The following GPC5 variants were observed in gnomAD, a reference collection of about 807,000 sequenced individuals.
GPC5 encodes glypican-5.
Under a neutral mutation model 53.9 loss-of-function variants are expected in GPC5, and 47 were observed. The observed-to-expected ratio is 0.87, with a 90% confidence interval of 0.69 to 1.11. The LOEUF (loss-of-function observed/expected upper bound fraction) is 1.11, where lower values mean the gene tolerates loss of function less well. GPC5 is among the 50% of genes most tolerant of loss of function. The pLI, the probability that GPC5 is intolerant of heterozygous loss-of-function variation, is 0.00. For synonymous variants in GPC5, 286 were observed against 263.3 expected (o/e 1.09, Z -0.84); for missense variants, 748 against 713.1 (o/e 1.05, Z -0.56).
chr13:92,263,479 T>A (rs1429914933), intron 7 of GPC5, among the ~76,000 whole-genome samples: 4 of 152,134 alleles, frequency 2.6e-5, no homozygotes, highest in African/African-American at 9.7e-5. Context: ...CTTGTTTCTA[T>A]TTTTTAAGAA....
chr13:92,843,580 C>T (rs868149559), intron 7 of GPC5, among the ~76,000 whole-genome samples: 1 of 152,128 alleles, frequency 6.6e-6, no homozygotes, highest in Non-Finnish European at 1.5e-5. Context: ...ATAAAAATAG[C>T]TCACACCTGA....
intron 7 of GPC5, among the ~76,000 whole-genome samples, chr13:92,590,537 C>T (rs952009261): frequency 6.6e-6 from 1 of 152,196 alleles, no homozygotes; most frequent in African/African-American, 2.4e-5. Flanking sequence ...GTGGTTTAAT[C>T]TGCTATCAGA....
At chr13:92,204,575 G>A (rs2139065348) in intron 7 of GPC5, among the ~76,000 whole-genome samples, 1 of 152,278 alleles carries the variant, frequency 6.6e-6, no homozygotes. Flanking sequence ...CCAACTGCAA[G>A]TTTTGAGAGT....
intron 7 of GPC5, among the ~76,000 whole-genome samples, chr13:92,482,909 A>G (rs1378257894): frequency 5.3e-5 from 8 of 152,162 alleles, no homozygotes; most frequent in Admixed American, 5.2e-4. Flanking sequence ...GTTAATTTAT[A>G]AAGGAAAGAG....
chr13:92,029,522 CTG>C (rs1234059228), intron 6 of GPC5, among the ~76,000 whole-genome samples: 1 of 152,216 alleles, frequency 6.6e-6, no homozygotes, highest in Non-Finnish European at 1.5e-5. Context: ...TCAACAGCAT[CTG>C]AACCACTTTC....
chr13:91,543,546 GAGAA>G (rs2030094686), intron 2 of GPC5, among the ~76,000 whole-genome samples: 1 of 132,068 alleles, frequency 7.6e-6, no homozygotes, highest in Non-Finnish European at 1.7e-5. Flanking sequence ...GAGAGAGAGA[GAGAA>G]TAAGGTTTAT....
chr13:91,564,587 A>G (rs1227381517), intron 2 of GPC5, among the ~76,000 whole-genome samples: 1 of 152,190 alleles, frequency 6.6e-6, no homozygotes, highest in Admixed American at 6.6e-5. Context: ...CAATCTCATG[A>G]GCATGTAACT....
chr13:92,628,536 A>C (rs868364589), intron 7 of GPC5, among the ~76,000 whole-genome samples: 4 of 151,992 alleles, frequency 2.6e-5, no homozygotes, highest in Non-Finnish European at 4.4e-5. Flanking sequence ...GCTCTCAGGT[A>C]TCCAAAACAG....
intron 7 of GPC5, among the ~76,000 whole-genome samples, chr13:92,234,608 G>A (rs2042556516): frequency 6.6e-6 from 1 of 151,930 alleles, no homozygotes; most frequent in African/African-American, 2.4e-5. Flanking sequence ...ATGTCACTAG[G>A]AGATATATGG....
chr13:92,782,848 G>T (rs141654718), intron 7 of GPC5, among the ~76,000 whole-genome samples: 6 of 152,044 alleles, frequency 3.9e-5, no homozygotes, highest in African/African-American at 1.4e-4. Context: ...TTTTTCTTAT[G>T]ATTCATAGCA....
chr13:92,522,776 G>A (rs1404379194), intron 7 of GPC5, among the ~76,000 whole-genome samples: 2 of 151,818 alleles, frequency 1.3e-5, no homozygotes, highest in Non-Finnish European at 2.9e-5. Context: ...ATAAAAAATA[G>A]TTGAAAATAA....
intron 6 of GPC5, among the ~76,000 whole-genome samples, chr13:91,918,724 T>C (rs1378819818): frequency 2.6e-5 from 4 of 152,216 alleles, no homozygotes; most frequent in African/African-American, 9.6e-5. Flanking sequence ...ACAGCACTTA[T>C]CCATGTTGCT....
chr13:92,513,130 G>A (rs897412893), intron 7 of GPC5, among the ~76,000 whole-genome samples: 2 of 152,178 alleles, frequency 1.3e-5, no homozygotes, highest in African/African-American at 2.4e-5. Context: ...ATGGGAAGAC[G>A]TATTGTTCGT....
At chr13:91,775,530 C>CT (rs973178751) in intron 5 of GPC5, among the ~76,000 whole-genome samples, 7 of 152,148 alleles carry the variant, frequency 4.6e-5, no homozygotes, top group Non-Finnish European at 8.8e-5. Context: ...CTATATTTCT[C>CT]TTTTTTCCAC....
At chr13:91,501,558 C>T (rs1197690654) in intron 2 of GPC5, among the ~76,000 whole-genome samples, 1 of 152,122 alleles carries the variant, frequency 6.6e-6, no homozygotes, top group Admixed American at 6.5e-5. Context: ...ATCCATGTCC[C>T]TACAAAGGAC....
At chr13:92,819,504 G>C (rs1292931732) in intron 7 of GPC5, among the ~76,000 whole-genome samples, 2 of 152,186 alleles carry the variant, frequency 1.3e-5, no homozygotes, top group Admixed American at 6.5e-5. Context: ...ATAAAATGAA[G>C]CGGTTTGACT....
At chr13:91,681,919 T>C (rs1241545834) in intron 2 of GPC5, among the ~76,000 whole-genome samples, 2 of 152,224 alleles carry the variant, frequency 1.3e-5, no homozygotes, top group Admixed American at 1.3e-4. Flanking sequence ...GTTTGCATTT[T>C]GTTCAATTAT....
intron 7 of GPC5, among the ~76,000 whole-genome samples, chr13:92,634,609 A>C (rs979795694): frequency 4.6e-5 from 7 of 151,988 alleles, no homozygotes; most frequent in Non-Finnish European, 1.0e-4. Context: ...ACACTTTGAA[A>C]ACTATCTTTT....
intron 3 of GPC5, among the ~76,000 whole-genome samples, chr13:91,705,440 A>G (rs1029254381): frequency 6.6e-6 from 1 of 152,194 alleles, no homozygotes; most frequent in African/African-American, 2.4e-5. Context: ...AAAGCATGGT[A>G]GGTTTTGGTA....
Sources: allele counts gnomAD v4.1 joint callset (sites outside exome capture counted in the v4.1 genomes callset), GRCh38; gene constraint gnomAD v4.1.1; transcripts MANE v1.5; gene names NCBI Gene and HGNC (gene_info 2026-07-23, HGNC 2026-07-21).